Variants in PTGER4 observed in about 807,000 individuals in gnomAD.
PTGER4 encodes prostaglandin E receptor 4, also known as prostaglandin E2 receptor EP4 subtype.
In PTGER4, 11 loss-of-function variants were observed where a neutral mutation model predicts 33.2. That is an observed-to-expected ratio of 0.33 (90% CI 0.21 to 0.55). The LOEUF is 0.55. PTGER4 is among the 20% of genes least tolerant of loss of function. PTGER4 has a pLI of 0.92. For synonymous variants in PTGER4, 275 were observed against 281.5 expected, an observed-to-expected ratio of 0.98 and a Z score of 0.23; for missense variants, 481 against 650.2, an observed-to-expected ratio of 0.74 and a Z score of 2.83.
the PTGER4 span, among the ~76,000 whole-genome samples, chr5:40,744,580 A>T: frequency 1.3e-5 from 2 of 151,146 alleles, no homozygotes; most frequent in African/African-American, 4.9e-5. Context: ...CTTCAACACC[A>T]CATGGAAGAT....
chr5:40,712,124 T>C, the PTGER4 span, among the ~76,000 whole-genome samples: 3 of 152,170 alleles, frequency 2.0e-5, no homozygotes, highest in Non-Finnish European at 2.9e-5. Context: ...CTAATTCATT[T>C]CACATTCTTC....
rs1225880309 is a variant in PTGER4, at chr5:40,691,424, C to T, written c.868-355C>T. Among the ~76,000 whole-genome samples, 1 of 152,236 alleles carries T rather than the reference C, an allele frequency of 6.6e-6. No individual in the cohort carries two copies. Among genetic ancestry groups the T allele is most frequent in the African/African-American group, 2.4e-5 (1 of 41,462 alleles). ...CTCAATCTCTTGACCTAGTGATCCG[C>T]CTACCTCGGCCTACCAAAATGCTGG... On this transcript the variant is annotated intron_variant, in intron 2 of 2. Coordinates refer to ENST00000302472, the MANE Select transcript of PTGER4 (RefSeq NM_000958.3). The surrounding 1 kb of genome is among the most constrained non-coding windows in gnomAD (Gnocchi z 4.2).
chr5:40,698,534 A>G (rs193265090), downstream of PTGER4, among the ~76,000 whole-genome samples: 432 of 152,326 alleles, frequency 2.8e-3, 2 homozygotes, highest in African/African-American at 1.0e-2. Flanking sequence ...AATACCAAGT[A>G]TGCTTCAAAA....
chr5:40,720,027 A>G, the PTGER4 span, among the ~76,000 whole-genome samples: 2 of 152,258 alleles, frequency 1.3e-5, no homozygotes, highest in African/African-American at 2.4e-5. Flanking sequence ...TTGAAGCACA[A>G]AAGTGTTTAA....
At chr5:40,731,821 G>A in the PTGER4 span, among the ~76,000 whole-genome samples, 5 of 152,118 alleles carry the variant, frequency 3.3e-5, no homozygotes, top group East Asian at 1.9e-4. Context: ...AAAATGCTCC[G>A]TTCTTCATGA....
chr5:40,734,454 T>A, the PTGER4 span, among the ~76,000 whole-genome samples: 3 of 152,304 alleles, frequency 2.0e-5, no homozygotes, highest in South Asian at 6.2e-4. Context: ...CTTAACAGTA[T>A]GCAACTGAAG....
chr5:40,690,843 A>T (rs549644142), intron 2 of PTGER4, among the ~76,000 whole-genome samples: 38 of 152,330 alleles, frequency 2.5e-4, no homozygotes, highest in Admixed American at 2.4e-3. Context: ...GCACTCACAG[A>T]AATGAAGTTA....
At chr5:40,713,357 G>A in the PTGER4 span, among the ~76,000 whole-genome samples, 1 of 152,000 alleles carries the variant, frequency 6.6e-6, no homozygotes, top group Non-Finnish European at 1.5e-5. Flanking sequence ...CAACTAAAAG[G>A]GCTATACTGT....
chr5:40,693,271 T>C lies in PTGER4; in HGVS notation c.*893T>C, dbSNP rs1741516886. 7 of 978,068 alleles carry C rather than the reference T, an allele frequency of 7.2e-6. No homozygotes were observed. The highest frequency in any genetic ancestry group is 8.5e-6 in the Non-Finnish European group (7 of 822,938). 60.6% of individuals were successfully genotyped at this position (978,068 alleles called of 1,614,324 possible). ...CTTTTAAAAACATAACATAAATTTTTTGAAGTCTTTAATAAATAACCCATA... is the reference window on the plus strand; with the variant it reads ...CTTTTAAAAACATAACATAAATTTTCTGAAGTCTTTAATAAATAACCCATA... On this transcript the variant is annotated 3_prime_UTR_variant, in exon 3 of 3. Transcript: ENST00000302472.
At chr5:40,732,947 C>T in the PTGER4 span, among the ~76,000 whole-genome samples, 5 of 151,994 alleles carry the variant, frequency 3.3e-5, no homozygotes, top group Non-Finnish European at 7.4e-5. Flanking sequence ...GTCCTACCTT[C>T]TCCAAGTCCT....
At chr5:40,720,065 T>G in the PTGER4 span, among the ~76,000 whole-genome samples, 1 of 152,344 alleles carries the variant, frequency 6.6e-6, no homozygotes, top group South Asian at 2.1e-4. Flanking sequence ...ATCTACTTTT[T>G]TCTTTTGTTG....
the PTGER4 span, among the ~76,000 whole-genome samples, chr5:40,736,136 G>A: frequency 2.4e-4 from 37 of 152,250 alleles, no homozygotes; most frequent in African/African-American, 8.2e-4. Flanking sequence ...GTGGAGTGGT[G>A]GGCCTTTGAT....
chr5:40,716,212 T>A, the PTGER4 span: 1 of 1,614,190 alleles, frequency 6.2e-7, no homozygotes, highest in Non-Finnish European at 8.5e-7. Flanking sequence ...AGTTACAGTC[T>A]CTATGGCCCC....
chr5:40,718,845 G>C, the PTGER4 span, among the ~76,000 whole-genome samples: 1 of 152,102 alleles, frequency 6.6e-6, no homozygotes, highest in Non-Finnish European at 1.5e-5. Context: ...AGGTTGCAGT[G>C]AGCCAAGATG....
intron 2 of PTGER4, among the ~76,000 whole-genome samples, chr5:40,690,861 G>C (rs1703486208): frequency 6.6e-6 from 1 of 152,148 alleles, no homozygotes; most frequent in Non-Finnish European, 1.5e-5. Flanking sequence ...TTAATAAAGT[G>C]CTTCTCAAGA....
In PTGER4 at chr5:40,686,024, CAGA is replaced by C. The variant is rs1741315986; in HGVS notation, c.867+4172_867+4174del. 2.0e-5 allele frequency among the ~76,000 whole-genome samples: 3 copies of C among 152,158 alleles called. No homozygotes were observed. In the South Asian group the frequency reaches 6.2e-4, roughly 32 times the overall value. On this transcript the variant is annotated intron_variant, in intron 2 of 2. Coordinates refer to ENST00000302472, the MANE Select transcript of PTGER4 (RefSeq NM_000958.3). Reference sequence around the variant, plus strand: ...ATTTAACTTGCCTTCTACAAATGGCCAGAAGAAGAACCAAGCTCTCCTACACAC... The same window carrying C: ...ATTTAACTTGCCTTCTACAAATGGCCAGAAGAACCAAGCTCTCCTACACAC...
chr5:40,734,824 T>C, the PTGER4 span, among the ~76,000 whole-genome samples: 1 of 152,208 alleles, frequency 6.6e-6, no homozygotes, highest in Admixed American at 6.5e-5. Flanking sequence ...CTAAAGTGTA[T>C]GCATGTTAGA....
intron 2 of PTGER4, among the ~76,000 whole-genome samples, chr5:40,684,568 T>A (rs1425110053): frequency 6.6e-6 from 1 of 152,176 alleles, no homozygotes; most frequent in Non-Finnish European, 1.5e-5. Context: ...GTATAAAAAA[T>A]AAATTTTAAT....
Position 40,681,687 on chromosome 5 carries a change from G to T in PTGER4, c.694G>T (p.Ala232Ser). 3 of 1,572,262 alleles carry T rather than the reference G, an allele frequency of 1.9e-6. No individual in the cohort carries two copies. The highest frequency in any genetic ancestry group is 2.6e-6 in the Non-Finnish European group (3 of 1,164,960). The change falls in exon 2 of 3, where the codon GCG becomes TCG. Residue 232 changes from alanine (A) to serine (S), a missense_variant. By Grantham distance (99) the Ala-to-Ser change is moderately conservative (BLOSUM62 1). Around this residue, in one of 7 missense-constraint regions of PTGER4, gnomAD observed 174 missense variants for 210.5 expected, o/e 0.83. Transcript: ENST00000302472. The surrounding 1 kb of genome is among the most constrained non-coding windows in gnomAD (Gnocchi z 9.8). ...SLGTEQHHAA[A>S]AASVASRGHP... ...GGGCACCGAGCAGCACCACGCGGCCGCGGCCGCCTCGGTTGCCTCCCGGGG... is the reference window on the plus strand; with the variant it reads ...GGGCACCGAGCAGCACCACGCGGCCTCGGCCGCCTCGGTTGCCTCCCGGGG...
Sources: gnomAD v4.1 joint callset for allele counts (sites outside exome capture counted in the v4.1 genomes callset) on GRCh38, gnomAD v4.1.1 for gene constraint, gnomAD v4.1.1 regional missense constraint, Gnocchi (gnomAD v3.1) non-coding constraint, MANE v1.5 for transcripts, NCBI Gene and HGNC (gene_info 2026-07-23, HGNC 2026-07-21) for gene names.